Variants in PAM16 observed in about 807,000 individuals in gnomAD.
PAM16 encodes mitochondrial import inner membrane translocase subunit TIM16.
Under a neutral mutation model 17.9 loss-of-function variants are expected in PAM16, and 11 were observed. The ratio of observed to expected loss-of-function variants is 0.62; its 90% CI spans 0.39 to 1.02. The LOEUF (loss-of-function observed/expected upper bound fraction) is 1.02, where lower values mean the gene tolerates loss of function less well. PAM16 is among the 50% of genes least tolerant of loss of function. The pLI is 0.01. For synonymous variants in PAM16, 72 were observed against 67.4 expected, an observed-to-expected ratio of 1.07 and a Z score of -0.34; for missense variants, 199 against 165.4, an observed-to-expected ratio of 1.20 and a Z score of -1.11.
At chr16:4,345,917 G>A (rs527776970) in intron 1 of PAM16, 1 of 985,250 alleles carries the variant, frequency 1.0e-6, no homozygotes, top group South Asian at 4.7e-5. Context: ...TCAGGTCTCA[G>A]ACTACCCCTC....
intron 3 of PAM16, 26 bp from the exon 4 acceptor site, chr16:4,341,011 A>C (rs1451222955): frequency 6.2e-7 from 1 of 1,612,522 alleles, no homozygotes; most frequent in Non-Finnish European, 8.5e-7. Flanking sequence ...GACGGGTGAG[A>C]GGGCTGCAGA....
Position 4,341,505 on chromosome 16 carries a change from C to G in PAM16, c.89-1G>C. 6.2e-7 allele frequency: 1 copy of G among 1,606,406 alleles called. No individual in the cohort carries two copies. Among genetic ancestry groups the G allele is most frequent in the Non-Finnish European group, 8.5e-7 (1 of 1,178,344 alleles). On this transcript the variant is annotated splice_acceptor_variant, in intron 2 of 4. Coordinates refer to ENST00000318059, the MANE Select transcript of PAM16 (RefSeq NM_016069.11). LOFTEE classifies it high-confidence loss of function. ...CGGGCATCAGCTGCGGCCCGGCTGG[C>G]TGTGTGGACATGTGGGTGATCGCTC...
intron 3 of PAM16, 108 bp from the exon 4 acceptor site, chr16:4,341,093 G>C: frequency 1.4e-6 from 2 of 1,411,938 alleles, no homozygotes; most frequent in Non-Finnish European, 2.0e-6. Flanking sequence ...TCTCCACCCT[G>C]TGTGCCACAC....
chr16:4,341,112 T>C, intron 3 of PAM16, 127 bp from the exon 4 acceptor site: 1 of 1,307,180 alleles, frequency 7.7e-7, no homozygotes, highest in Non-Finnish European at 1.1e-6. Flanking sequence ...ACCCAGCTGT[T>C]GTGGCCACTG....
At chr16:4,340,493 A>G (rs899593433) in intron 4 of PAM16, 88 bp from the exon 5 acceptor site, 26 of 1,464,340 alleles carry the variant, frequency 1.8e-5, no homozygotes, top group African/African-American at 8.5e-5. Context: ...CCATCAGCCC[A>G]GGTCCATTTT....
At chr16:4,341,287 C>T (rs886674463) in intron 3 of PAM16, 81 bp downstream of exon 3, 1 of 1,508,030 alleles carries the variant, frequency 6.6e-7, no homozygotes, top group Non-Finnish European at 8.9e-7. Flanking sequence ...CACATCGGAC[C>T]TCCCTGGCCA....
Position 4,351,298 on chromosome 16 carries a change from G to T in PAM16, c.-64C>A. On this transcript the variant is annotated 5_prime_UTR_variant, in exon 1 of 5. Coordinates refer to ENST00000318059, the MANE Select transcript of PAM16 (RefSeq NM_016069.11). Reference sequence around the variant, plus strand: ...CTGGCCCCGCGGCCGGGGATCAAGCGTGGTCGGCGGGTCAGAGGTCAAGGA... The same window carrying T: ...CTGGCCCCGCGGCCGGGGATCAAGCTTGGTCGGCGGGTCAGAGGTCAAGGA... 3.0e-6 allele frequency: 4 copies of T among 1,345,374 alleles called. No homozygotes were observed. The highest frequency in any genetic ancestry group is 3.9e-6 in the Non-Finnish European group (4 of 1,017,112). The allele number at this position is 1,345,374 out of a possible 1,614,324, so 83.3% of individuals were successfully genotyped here.
At chr16:4,350,451 G>C (rs1272962203) in intron 1 of PAM16, among the ~76,000 whole-genome samples, 1 of 151,788 alleles carries the variant, frequency 6.6e-6, no homozygotes, top group Non-Finnish European at 1.5e-5. Context: ...GCCCAGGCTA[G>C]AGTGCACTGG....
intron 2 of PAM16, 93 bp from the exon 3 acceptor site, chr16:4,341,597 A>C (rs1267121972): frequency 1.3e-6 from 2 of 1,488,250 alleles, no homozygotes; most frequent in Non-Finnish European, 1.8e-6. Flanking sequence ...CCACCAGCAC[A>C]GGATGAGAGA....
intron 1 of PAM16, chr16:4,344,028 T>C (rs373707855): frequency 2.5e-6 from 1 of 397,982 alleles, no homozygotes; most frequent in Non-Finnish European, 4.4e-6. Flanking sequence ...AGCACACTGC[T>C]GGCCTGGCAG....
At position 4,341,672 on chromosome 16, in the gene PAM16, G is replaced by A. The variant is rs1446863090; in HGVS notation, c.89-168C>T. The A allele has an allele frequency of 1.2e-5, 14 of 1,193,672 alleles. No individual in the cohort carries two copies. The East Asian group carries it at 3.6e-4, about 31-fold the overall frequency. 73.9% of individuals were successfully genotyped at this position (1,193,672 alleles called of 1,614,324 possible). A position where few individuals can be genotyped will look rare whatever the true frequency, so the allele number is the denominator to read the frequency against. ...GTGGTTTCCTTTTTAGGGGGTAGAG[G>A]CTGGGAAAGTGAGGACAGACGTGCC... On this transcript the variant is annotated intron_variant, in intron 2 of 4. Coordinates refer to ENST00000318059, the MANE Select transcript of PAM16 (RefSeq NM_016069.11).
chr16:4,342,005 T>C (rs2053656151), intron 2 of PAM16, among the ~76,000 whole-genome samples: 1 of 152,182 alleles, frequency 6.6e-6, no homozygotes, highest in Non-Finnish European at 1.5e-5. Flanking sequence ...GTAGCTATTT[T>C]AGGCTTTGCG....
intron 2 of PAM16, 40 bp from the exon 3 acceptor site, chr16:4,341,544 C>A: frequency 6.4e-7 from 1 of 1,569,250 alleles, no homozygotes; most frequent in Non-Finnish European, 8.6e-7. Flanking sequence ...CCTCAGCAGC[C>A]CACACTTCAC....
At chr16:4,349,690 C>G (rs2053816794) in intron 1 of PAM16, among the ~76,000 whole-genome samples, 1 of 152,048 alleles carries the variant, frequency 6.6e-6, no homozygotes, top group African/African-American at 2.4e-5. Flanking sequence ...TGGCTTGAGC[C>G]TAGGAGTTCA....
rs748366046 is a variant in PAM16 at position 4,341,471 on chromosome 16, G to C, written c.122C>G (p.Ala41Gly). The change falls in exon 3 of 5, where the codon GCT becomes GGT. Residue 41 changes from alanine (A) to glycine (G), a missense_variant. Ala to Gly is a moderately conservative substitution (Grantham distance 60). Coordinates refer to ENST00000318059, the MANE Select transcript of PAM16 (RefSeq NM_016069.11). ...GGAAGCGGCTGCAGACCGGTGTCCA[G>C]CGCGTCCTCGGGCATCAGCTGCGGC... ...SRAAADARGR[A>G]GHRSAAASNL... The C allele has an allele frequency of 6.2e-7, 1 of 1,610,274 alleles. No individual in the cohort carries two copies. Among genetic ancestry groups the C allele is most frequent in the Non-Finnish European group, 8.5e-7 (1 of 1,179,214 alleles).
intron 1 of PAM16, chr16:4,347,605 A>G (rs2053778331): frequency 6.6e-6 from 1 of 152,334 alleles, no homozygotes; most frequent in South Asian, 2.1e-4. Context: ...CAGTACCCCA[A>G]CATCCCCTGA....
chr16:4,343,514 G>A (rs1358052408), intron 1 of PAM16: 15 of 1,427,542 alleles, frequency 1.1e-5, no homozygotes, highest in East Asian at 2.5e-5. Context: ...GAACTTGACC[G>A]AGCTCCCAGA....
intron 1 of PAM16, among the ~76,000 whole-genome samples, chr16:4,348,887 G>T (rs1159233925): frequency 6.6e-6 from 1 of 150,394 alleles, no homozygotes; most frequent in Non-Finnish European, 1.5e-5. Context: ...GAACCCCTGA[G>T]CTCAGGTAAT....
intron 1 of PAM16, chr16:4,344,141 C>A (rs1012836443): frequency 2.5e-6 from 1 of 394,524 alleles, no homozygotes; most frequent in African/African-American, 2.1e-5. Flanking sequence ...TGAGCGGAAG[C>A]AACAGAGTCG....
Sources: gnomAD v4.1 joint callset for allele counts (sites outside exome capture counted in the v4.1 genomes callset) on GRCh38, gnomAD v4.1.1 for gene constraint, MANE v1.5 for transcripts, NCBI Gene and HGNC (gene_info 2026-07-23, HGNC 2026-07-21) for gene names.